PALM2AKAP2: variants seen among roughly 807,000 people sequenced by gnomAD.
PALM2AKAP2 encodes PALM2-AKAP2 fusion protein.
PALM2AKAP2 carries 37 observed loss-of-function variants against 71.5 expected under a neutral mutation model. The ratio of observed to expected loss-of-function variants is 0.52; its 90% CI spans 0.40 to 0.68. PALM2AKAP2 has a LOEUF of 0.68. PALM2AKAP2 is among the 30% of genes least tolerant of loss of function. The pLI is 0.00. For synonymous variants in PALM2AKAP2, 468 were observed against 478.8 expected (o/e 0.98, Z 0.29); for missense variants, 1,224 against 1,191.8 (o/e 1.03, Z -0.40).
intron 2 of PALM2AKAP2, among the ~76,000 whole-genome samples, chr9:110,144,533 A>T (rs928023766): frequency 9.2e-5 from 14 of 152,240 alleles, no homozygotes; most frequent in African/African-American, 3.4e-4. Context: ...TTGAGGCCGG[A>T]TATATTTCTA....
chr9:109,735,137 T>G (rs1828610837), intron 1 of PALM2AKAP2, among the ~76,000 whole-genome samples: 2 of 150,634 alleles, frequency 1.3e-5, no homozygotes, highest in African/African-American at 4.9e-5. Context: ...GAGTGTCTTC[T>G]TCCAGTTCTC....
At chr9:109,874,152 A>AT (rs1491515839) in intron 2 of PALM2AKAP2, among the ~76,000 whole-genome samples, 2 of 152,140 alleles carry the variant, frequency 1.3e-5, no homozygotes, top group African/African-American at 2.4e-5. Context: ...AATTCCTCAC[A>AT]TGTCAGCCTC....
At chr9:109,891,729 G>A (rs947114388) in intron 3 of PALM2AKAP2, among the ~76,000 whole-genome samples, 3 of 152,116 alleles carry the variant, frequency 2.0e-5, no homozygotes, top group Admixed American at 2.0e-4. Flanking sequence ...GACCTCAAGC[G>A]ATCTGCTCAC....
chr9:109,834,979 C>T (rs1828417010), intron 1 of PALM2AKAP2, among the ~76,000 whole-genome samples: 1 of 152,172 alleles, frequency 6.6e-6, no homozygotes, highest in African/African-American at 2.4e-5. Context: ...ATACTTCTCA[C>T]ACAAACACAC....
intron 6 of PALM2AKAP2, among the ~76,000 whole-genome samples, chr9:110,014,847 T>TAC (rs1564260719): frequency 2.0e-4 from 20 of 97,736 alleles, no homozygotes; most frequent in African/African-American, 7.3e-4. Context: ...TATATATATA[T>TAC]ATATACACAC....
chr9:110,064,721 A>G (rs2118523772), intron 1 of PALM2AKAP2, among the ~76,000 whole-genome samples: 1 of 152,222 alleles, frequency 6.6e-6, no homozygotes, highest in East Asian at 1.9e-4. Flanking sequence ...ACTTCTCAGT[A>G]TTGTTTCCTT....
chr9:109,646,468 C>G (rs1827156139), intron 1 of PALM2AKAP2, among the ~76,000 whole-genome samples: 1 of 152,186 alleles, frequency 6.6e-6, no homozygotes, highest in Non-Finnish European at 1.5e-5. Context: ...AGTGGCATTC[C>G]CCATCACCAG....
intron 1 of PALM2AKAP2, among the ~76,000 whole-genome samples, chr9:110,103,106 T>C (rs1287516862): frequency 6.6e-6 from 1 of 152,122 alleles, no homozygotes; most frequent in Non-Finnish European, 1.5e-5. Context: ...CATGGAAACC[T>C]CCCCTGACCT....
At chr9:109,739,023 A>G (rs1828680224) in intron 1 of PALM2AKAP2, among the ~76,000 whole-genome samples, 1 of 152,240 alleles carries the variant, frequency 6.6e-6, no homozygotes, top group Non-Finnish European at 1.5e-5. Context: ...TATTTGAACA[A>G]TATAGTTTAT....
chr9:109,771,822 A>G (rs1220190805), intron 1 of PALM2AKAP2, among the ~76,000 whole-genome samples: 1 of 152,186 alleles, frequency 6.6e-6, no homozygotes, highest in Non-Finnish European at 1.5e-5. Context: ...CCCAGGGAGC[A>G]TTAATGATCC....
intron 1 of PALM2AKAP2, among the ~76,000 whole-genome samples, chr9:109,732,843 G>T (rs1828577031): frequency 6.6e-6 from 1 of 152,164 alleles, no homozygotes; most frequent in Non-Finnish European, 1.5e-5. Context: ...GGAGCAAGTT[G>T]TGCAAAATTC....
chr9:110,058,895 T>C (rs1353133409), intron 1 of PALM2AKAP2, among the ~76,000 whole-genome samples: 2 of 137,768 alleles, frequency 1.5e-5, no homozygotes, highest in African/African-American at 5.8e-5. Context: ...GGAAAGTTTT[T>C]TGGTTTTTTT....
chr9:109,779,159 A>G (rs1418856238), upstream of PALM2AKAP2, among the ~76,000 whole-genome samples: 2 of 152,220 alleles, frequency 1.3e-5, no homozygotes, highest in African/African-American at 4.8e-5. Context: ...TTTGATGAAG[A>G]AACGTTTGCA....
At chr9:109,760,548 A>G (rs540795957) in intron 1 of PALM2AKAP2, 5 of 152,302 alleles carry the variant, frequency 3.3e-5, no homozygotes, top group Admixed American at 1.3e-4. Flanking sequence ...AAAATGAAAA[A>G]TCAGCATTGA....
intron 1 of PALM2AKAP2, chr9:109,862,794 A>G (rs900341485): frequency 2.2e-6 from 1 of 458,414 alleles, no homozygotes; most frequent in African/African-American, 2.0e-5. Context: ...AAACTGTGCC[A>G]TCATAGATGA....
intron 1 of PALM2AKAP2, among the ~76,000 whole-genome samples, chr9:110,104,247 G>C (rs894122977): frequency 6.6e-6 from 1 of 152,110 alleles, no homozygotes; most frequent in Non-Finnish European, 1.5e-5. Flanking sequence ...ATTCTGTCCA[G>C]ATTTTTGTTG....
At chr9:109,663,002 T>C (rs1442794865) in intron 1 of PALM2AKAP2, among the ~76,000 whole-genome samples, 1 of 152,208 alleles carries the variant, frequency 6.6e-6, no homozygotes, top group African/African-American at 2.4e-5. Flanking sequence ...TTTTGTGGGA[T>C]TGGTGCTGAT....
chr9:109,872,693 G>A (rs950868005), intron 2 of PALM2AKAP2, among the ~76,000 whole-genome samples: 1 of 152,158 alleles, frequency 6.6e-6, no homozygotes, highest in Non-Finnish European at 1.5e-5. Flanking sequence ...TGAAATATTT[G>A]TTGTCAACCC....
intron 6 of PALM2AKAP2, among the ~76,000 whole-genome samples, 194 bp from the exon 7 acceptor site, chr9:110,015,760 A>T (rs1318313049): frequency 1.3e-5 from 2 of 152,200 alleles, no homozygotes; most frequent in African/African-American, 4.8e-5. Flanking sequence ...AGGTAAAAAC[A>T]AAAGAAGTGC....
Sources: allele counts gnomAD v4.1 joint callset (sites outside exome capture counted in the v4.1 genomes callset), GRCh38; gene constraint gnomAD v4.1.1; transcripts MANE v1.5; gene names NCBI Gene and HGNC (gene_info 2026-07-23, HGNC 2026-07-21).